PALMD: variants seen among roughly 807,000 people sequenced by gnomAD.
The protein encoded by PALMD is palmdelphin, also known as paralemmin-like protein.
Under a neutral mutation model 56.2 loss-of-function variants are expected in PALMD, and 42 were observed. The ratio of observed to expected loss-of-function variants is 0.75; its 90% CI spans 0.58 to 0.97. The LOEUF (loss-of-function observed/expected upper bound fraction) is 0.97, where lower values mean the gene tolerates loss of function less well. PALMD is among the 50% of genes least tolerant of loss of function. PALMD has a pLI of 0.00. For missense variants in PALMD, 660 were observed against 643.8 expected (o/e 1.03, Z -0.27); for synonymous variants, 242 against 222.9 (o/e 1.09, Z -0.76).
chr1:99,651,063 A>C (rs1301969492), intron 1 of PALMD, among the ~76,000 whole-genome samples: 5 of 152,246 alleles, frequency 3.3e-5, no homozygotes, highest in Non-Finnish European at 7.3e-5. Flanking sequence ...GAGCTTCCAA[A>C]GAAATTCACA....
intron 5 of PALMD, 45 bp from the exon 6 acceptor site, chr1:99,687,031 G>A (rs1329071978): frequency 1.3e-6 from 2 of 1,514,666 alleles, no homozygotes; most frequent in Non-Finnish European, 1.8e-6. Flanking sequence ...TGTTCCCATT[G>A]TAAATATATT....
chr1:99,656,740 A>C (rs1652733524), intron 1 of PALMD, among the ~76,000 whole-genome samples: 1 of 152,198 alleles, frequency 6.6e-6, no homozygotes, highest in Non-Finnish European at 1.5e-5. Flanking sequence ...AAAAGAGCCC[A>C]GGACTGAGAA....
chr1:99,685,457 A>G (rs752867338), intron 3 of PALMD: 2 of 152,188 alleles, frequency 1.3e-5, no homozygotes, highest in African/African-American at 2.4e-5. Flanking sequence ...GGGCTACTCC[A>G]TTTCACTTAG....
chr1:99,671,868 C>T (rs569893072), intron 3 of PALMD, among the ~76,000 whole-genome samples: 1 of 152,236 alleles, frequency 6.6e-6, no homozygotes, highest in African/African-American at 2.4e-5. Context: ...CTAAGTCATA[C>T]AGCAAAACGT....
chr1:99,651,886 T>C (rs1377038834), intron 1 of PALMD, among the ~76,000 whole-genome samples: 1 of 152,232 alleles, frequency 6.6e-6, no homozygotes, highest in Non-Finnish European at 1.5e-5. Flanking sequence ...CATCAAGTTT[T>C]CAATCTATTA....
chr1:99,648,781 A>AG (rs1438063635), intron 1 of PALMD, among the ~76,000 whole-genome samples: 8 of 152,062 alleles, frequency 5.3e-5, no homozygotes, highest in Non-Finnish European at 1.2e-4. Flanking sequence ...CCTGGTTTCA[A>AG]GTGCCTAAAA....
Position 99,694,297 on chromosome 1 carries a change from C to G in PALMD, c.*235C>G. Reference sequence around the variant, plus strand: ...TTGACACGATTCAGTGGGGGAAAACCAGCATTTTTTATTCTATTGATACCA... The same window carrying G: ...TTGACACGATTCAGTGGGGGAAAACGAGCATTTTTTATTCTATTGATACCA... On this transcript the variant is annotated 3_prime_UTR_variant, in exon 8 of 8. Coordinates refer to ENST00000263174, the MANE Select transcript of PALMD (RefSeq NM_017734.5). The G allele has an allele frequency of 2.6e-6, 1 of 380,248 alleles. No homozygotes were observed. Among genetic ancestry groups the G allele is most frequent in the Non-Finnish European group, 4.8e-6 (1 of 207,860 alleles). The allele number at this position is 380,248 out of a possible 1,614,324, so 23.6% of individuals were successfully genotyped here. A position where few individuals can be genotyped will look rare whatever the true frequency, so the allele number is the denominator to read the frequency against.
chr1:99,663,099 T>C (rs192377661), intron 2 of PALMD, among the ~76,000 whole-genome samples: 1 of 152,296 alleles, frequency 6.6e-6, no homozygotes, highest in East Asian at 1.9e-4. Flanking sequence ...AGGGCTGCTA[T>C]CAATAGATTT....
At chr1:99,647,208 T>G (rs918955956) in intron 1 of PALMD, among the ~76,000 whole-genome samples, 6 of 152,226 alleles carry the variant, frequency 3.9e-5, no homozygotes, top group Non-Finnish European at 8.8e-5. Flanking sequence ...TGTAATTGTT[T>G]TAAGAAGAAA....
In PALMD at chr1:99,683,028, GA is replaced by G. The variant is rs560726175; in HGVS notation, c.252-3645del. 2.4e-3 allele frequency among the ~76,000 whole-genome samples: 28 copies of G among 11,482 alleles called. 1 individual carries two copies. The East Asian group carries it at 0.12, about 50-fold the overall frequency. 7.5% of individuals were successfully genotyped at this position (11,482 alleles called of 152,430 possible). A position where few individuals can be genotyped will look rare whatever the true frequency, so the allele number is the denominator to read the frequency against. On this transcript the variant is annotated intron_variant, in intron 3 of 7. Transcript: ENST00000263174. ...CTCCAAAAAGAAAGAAGGAAAGAAA[GA>G]AAGAAAGAAAGAAAGAAAGAAAGAA...
chr1:99,646,493 GT>G (rs2100849964), intron 1 of PALMD, 131 bp downstream of exon 1: 1 of 730,956 alleles, frequency 1.4e-6, no homozygotes, highest in African/African-American at 1.7e-5. Context: ...ACGAGTCTCT[GT>G]TTCTCTCTTA....
chr1:99,657,180 C>A (rs1199562610), intron 1 of PALMD, among the ~76,000 whole-genome samples: 3 of 152,170 alleles, frequency 2.0e-5, no homozygotes, highest in Non-Finnish European at 4.4e-5. Context: ...TTATCTCTAG[C>A]TCTGATTCTT....
intron 3 of PALMD, among the ~76,000 whole-genome samples, chr1:99,680,207 T>A (rs1419365936): frequency 6.6e-6 from 1 of 152,146 alleles, no homozygotes; most frequent in African/African-American, 2.4e-5. Flanking sequence ...GCTGTCCTTT[T>A]TTCCAAGACA....
chr1:99,654,211 A>C (rs1652661028), intron 1 of PALMD, among the ~76,000 whole-genome samples: 1 of 152,154 alleles, frequency 6.6e-6, no homozygotes, highest in Non-Finnish European at 1.5e-5. Context: ...TTAAGAATTG[A>C]CTTGAAAGTT....
chr1:99,659,948 G>A (rs893931961), intron 1 of PALMD, among the ~76,000 whole-genome samples: 14 of 152,184 alleles, frequency 9.2e-5, no homozygotes, highest in Non-Finnish European at 1.6e-4. Flanking sequence ...TCTACTCACA[G>A]ATTCAATTGC....
intron 3 of PALMD, among the ~76,000 whole-genome samples, chr1:99,680,815 T>C (rs760439893): frequency 1.3e-5 from 2 of 152,026 alleles, no homozygotes; most frequent in Non-Finnish European, 2.9e-5. Context: ...TCTATGTACA[T>C]GCATACATGT....
Position 99,686,689 on chromosome 1 carries a change from A to C in PALMD, c.265A>C (p.Ile89Leu), listed in dbSNP as rs745576341. 10 of 1,587,358 alleles carry C rather than the reference A, an allele frequency of 6.3e-6. No homozygotes were observed. The South Asian group carries it at 1.1e-4, about 18-fold the overall frequency. ...TTTTGTTGTCAGGCTTGAGAAAGAGATCCAAGATCTTGAAAAAGCTGAACT... is the reference window on the plus strand; with the variant it reads ...TTTTGTTGTCAGGCTTGAGAAAGAGCTCCAAGATCTTGAAAAAGCTGAACT... ...EQSILRLEKE[I>L]QDLEKAELQI... The change falls in exon 4 of 8, where the codon ATC becomes CTC. Residue 89 changes from isoleucine (I) to leucine (L), a missense_variant. Ile to Leu is a conservative substitution (Grantham distance 5). Coordinates refer to ENST00000263174, the MANE Select transcript of PALMD (RefSeq NM_017734.5).
intron 1 of PALMD, among the ~76,000 whole-genome samples, chr1:99,650,502 T>C (rs1015195510): frequency 6.6e-6 from 1 of 152,142 alleles, no homozygotes; most frequent in Non-Finnish European, 1.5e-5. Context: ...GTTCTAGTTA[T>C]TTCTTTAGCA....
chr1:99,672,127 A>G (rs1057050470), intron 3 of PALMD, among the ~76,000 whole-genome samples: 33 of 152,198 alleles, frequency 2.2e-4, no homozygotes, highest in African/African-American at 8.0e-4. Context: ...CTTTAAGTAA[A>G]GCATATCTGC....
Sources: allele counts gnomAD v4.1 joint callset (sites outside exome capture counted in the v4.1 genomes callset), GRCh38; gene constraint gnomAD v4.1.1; transcripts MANE v1.5; gene names NCBI Gene and HGNC (gene_info 2026-07-23, HGNC 2026-07-21).